The following ATF7IP2 variants were observed in gnomAD, a reference collection of about 807,000 sequenced individuals.
The protein encoded by ATF7IP2 is activating transcription factor 7 interacting protein 2, also known as activating transcription factor 7-interacting protein 2.
ATF7IP2 carries 42 observed loss-of-function variants against 64.2 expected under a neutral mutation model. That is an observed-to-expected ratio of 0.65 (90% CI 0.51 to 0.85). The LOEUF (loss-of-function observed/expected upper bound fraction) is 0.85. ATF7IP2 is among the 40% of genes least tolerant of loss of function. The pLI, the probability that ATF7IP2 is intolerant of heterozygous loss-of-function variation, is 0.00. For missense variants in ATF7IP2, 933 were observed against 784.2 expected, an observed-to-expected ratio of 1.19 and a Z score of -2.27; for synonymous variants, 308 against 272.8, an observed-to-expected ratio of 1.13 and a Z score of -1.27.
chr16:10,448,056 A>T (rs1384031909), intron 8 of ATF7IP2: 1 of 152,238 alleles, frequency 6.6e-6, no homozygotes, highest in Non-Finnish European at 1.5e-5. Context: ...TGTTTTGGTC[A>T]GGTTTGTCAA....
intron 1 of ATF7IP2, among the ~76,000 whole-genome samples, chr16:10,397,128 T>C (rs2047435456): frequency 6.6e-6 from 1 of 152,230 alleles, no homozygotes; most frequent in African/African-American, 2.4e-5. Context: ...TGAAAATCAA[T>C]TTAATATAAA....
At position 10,431,373 on chromosome 16, in the gene ATF7IP2, T is replaced by C. The variant is rs34404959; in HGVS notation, c.753T>C (p.Thr251=). 223,469 of 1,613,818 alleles carry C rather than the reference T, an allele frequency of 0.14. 19,665 individuals carry two copies. Among genetic ancestry groups the C allele is most frequent in the African/African-American group, 0.42 (31,585 of 74,952 alleles). Residue 251 remains threonine, a synonymous_variant, in exon 5 of 14, where the codon ACT becomes ACC. Coordinates refer to ENST00000562102, the MANE Select transcript of ATF7IP2 (RefSeq NM_001393719.1). The part of the protein sequence containing the change: ...SNNCADDILK[T]DECSRTSISN... ...ACTGTGCTGATGACATTTTGAAAAC[T>C]GATGAGTGTAGTAGAACCAGTATTT...
chr16:10,433,429 C>G, intron 5 of ATF7IP2, 96 bp from the exon 6 acceptor site: 1 of 1,137,402 alleles, frequency 8.8e-7, no homozygotes, highest in East Asian at 2.5e-5. Flanking sequence ...CCCTCCTTAG[C>G]CTCCCAGAGT....
chr16:10,429,965 G>A (rs1428949424), intron 4 of ATF7IP2, among the ~76,000 whole-genome samples: 1 of 151,640 alleles, frequency 6.6e-6, no homozygotes, highest in Non-Finnish European at 1.5e-5. Flanking sequence ...TGATTCTTGT[G>A]CTTCAGCCTG....
intron 1 of ATF7IP2, among the ~76,000 whole-genome samples, chr16:10,413,810 A>G (rs906978868): frequency 6.6e-5 from 10 of 152,226 alleles, no homozygotes; most frequent in Admixed American, 3.9e-4. Flanking sequence ...TTCACTGGAT[A>G]CAAAACTCTT....
chr16:10,455,401 C>CA (rs2049131921), intron 8 of ATF7IP2, among the ~76,000 whole-genome samples: 1 of 152,168 alleles, frequency 6.6e-6, no homozygotes, highest in African/African-American at 2.4e-5. Flanking sequence ...AGGCAGCCTC[C>CA]AGAAGGAAGG....
At position 10,429,019 on chromosome 16, in the gene ATF7IP2, A is replaced by C. The variant is rs1371663698; in HGVS notation, c.-11+3A>C. 1 of 152,074 alleles carries C rather than the reference A, an allele frequency of 6.6e-6. No individual in the cohort carries two copies. The highest frequency in any genetic ancestry group is 2.4e-5 in the African/African-American group (1 of 41,432). 9.4% of individuals were successfully genotyped at this position (152,074 alleles called of 1,614,324 possible). On this transcript the variant is annotated splice_donor_region_variant and intron_variant, in intron 4 of 13. Coordinates refer to ENST00000562102, the MANE Select transcript of ATF7IP2 (RefSeq NM_001393719.1). ...CTCCTGAATAGCTGAGACCACAGGT[A>C]TGTGCCACACCTGGTTGAATTCTCC...
Position 10,450,000 on chromosome 16 carries a change from G to A in ATF7IP2, c.1195-7372G>A, listed in dbSNP as rs1236965960. On this transcript the variant is annotated intron_variant, in intron 8 of 13. Coordinates refer to ENST00000562102, the MANE Select transcript of ATF7IP2 (RefSeq NM_001393719.1). Reference sequence around the variant, plus strand: ...TAAACACTGTTTTAAATGTGTCCCAGGGATTCTGATACATTGTGTCTTTGG... The same window carrying A: ...TAAACACTGTTTTAAATGTGTCCCAAGGATTCTGATACATTGTGTCTTTGG... 2.6e-5 allele frequency among the ~76,000 whole-genome samples: 4 copies of A among 152,126 alleles called. No individual in the cohort carries two copies. In the East Asian group the frequency reaches 7.7e-4, roughly 29 times the overall value.
chr16:10,477,172 A>G (rs1433851716), intron 12 of ATF7IP2, among the ~76,000 whole-genome samples: 2 of 152,250 alleles, frequency 1.3e-5, no homozygotes, highest in Non-Finnish European at 2.9e-5. Flanking sequence ...AGAATGGGAG[A>G]AAATTTTTGC....
intron 1 of ATF7IP2, among the ~76,000 whole-genome samples, chr16:10,394,906 C>A (rs952332465): frequency 6.6e-6 from 1 of 151,958 alleles, no homozygotes. Flanking sequence ...GACCTCAAAT[C>A]AGTAACCTAG....
At chr16:10,388,688 G>A (rs972532219) in intron 1 of ATF7IP2, among the ~76,000 whole-genome samples, 3 of 152,252 alleles carry the variant, frequency 2.0e-5, no homozygotes, top group Non-Finnish European at 2.9e-5. Flanking sequence ...TAAAACTACT[G>A]TAAGAAAGGC....
chr16:10,447,194 G>A (rs2048837286), intron 8 of ATF7IP2: 1 of 152,382 alleles, frequency 6.6e-6, no homozygotes, highest in Non-Finnish European at 1.5e-5. Context: ...CATCAAGGAA[G>A]CACTTCACCA....
chr16:10,402,663 C>A (rs1280925669), intron 1 of ATF7IP2, among the ~76,000 whole-genome samples: 1 of 152,064 alleles, frequency 6.6e-6, no homozygotes, highest in Non-Finnish European at 1.5e-5. Context: ...CAGGGTTTCA[C>A]CATGTTGCCA....
intron 1 of ATF7IP2, among the ~76,000 whole-genome samples, chr16:10,398,517 G>A (rs2047464804): frequency 6.6e-6 from 1 of 152,078 alleles, no homozygotes; most frequent in South Asian, 2.1e-4. Context: ...GCACTCACAT[G>A]TTTATTGCAG....
chr16:10,405,054 A>G (rs2141786194), intron 1 of ATF7IP2, among the ~76,000 whole-genome samples: 1 of 152,278 alleles, frequency 6.6e-6, no homozygotes, highest in Admixed American at 6.5e-5. Flanking sequence ...CTCAGATCCT[A>G]AACATCTTAA....
At chr16:10,411,875 C>T (rs2047766945) in intron 1 of ATF7IP2, among the ~76,000 whole-genome samples, 1 of 147,826 alleles carries the variant, frequency 6.8e-6, no homozygotes, top group African/African-American at 2.5e-5. Context: ...GTTGTATTAT[C>T]TCCCATTTTG....
At chr16:10,474,914 T>C (rs1459290619) in intron 12 of ATF7IP2, among the ~76,000 whole-genome samples, 1 of 152,184 alleles carries the variant, frequency 6.6e-6, no homozygotes, top group East Asian at 1.9e-4. Context: ...CTAGAAAATA[T>C]GGCTTTCAAA....
chr16:10,403,744 C>G (rs1029701390), intron 1 of ATF7IP2, among the ~76,000 whole-genome samples: 28 of 152,016 alleles, frequency 1.8e-4, no homozygotes, highest in African/African-American at 6.5e-4. Flanking sequence ...GAGAAATTTA[C>G]CAAGGAAATA....
chr16:10,460,910 G>A (rs914510876), intron 9 of ATF7IP2, among the ~76,000 whole-genome samples: 1 of 152,074 alleles, frequency 6.6e-6, no homozygotes, highest in Non-Finnish European at 1.5e-5. Flanking sequence ...CAGGCCATCC[G>A]AGTTGGAGAA....
Sources: gnomAD v4.1 joint callset for allele counts (sites outside exome capture counted in the v4.1 genomes callset) on GRCh38, gnomAD v4.1.1 for gene constraint, MANE v1.5 for transcripts, NCBI Gene and HGNC (gene_info 2026-07-23, HGNC 2026-07-21) for gene names.